ARFIP1: variants seen among roughly 807,000 people sequenced by gnomAD.
The protein encoded by ARFIP1 is ARF interacting protein 1.
A neutral mutation model predicts 42.5 loss-of-function variants in ARFIP1; 24 were observed. The ratio of observed to expected loss-of-function variants is 0.57; its 90% CI spans 0.41 to 0.80. The LOEUF (loss-of-function observed/expected upper bound fraction) is 0.80. ARFIP1 is among the 30% of genes least tolerant of loss of function. The pLI is 0.00. For missense variants in ARFIP1, 354 were observed against 434.0 expected (o/e 0.82, Z 1.64); for synonymous variants, 141 against 153.7 (o/e 0.92, Z 0.61).
At chr4:152,844,477 G>A (rs1172692151) in intron 2 of ARFIP1, among the ~76,000 whole-genome samples, 2 of 151,874 alleles carry the variant, frequency 1.3e-5, no homozygotes, top group African/African-American at 2.4e-5. Context: ...TTGATTGATT[G>A]ATTTAAATTA....
intron 1 of ARFIP1, among the ~76,000 whole-genome samples, chr4:152,787,742 A>G (rs1578796716): frequency 6.6e-6 from 1 of 152,368 alleles, no homozygotes; most frequent in East Asian, 1.9e-4. Flanking sequence ...TAAGGTGTAT[A>G]TGAAATGTAA....
intron 2 of ARFIP1, among the ~76,000 whole-genome samples, chr4:152,834,727 T>G (rs1028410641): frequency 1.3e-5 from 2 of 152,138 alleles, no homozygotes; most frequent in Non-Finnish European, 2.9e-5. Context: ...CACACTGAGA[T>G]TGCAAGCTGT....
Position 152,888,234 on chromosome 4 carries a change from A to G in ARFIP1, c.893A>G (p.Gln298Arg). The change falls in exon 8 of 9, where the codon CAA becomes CGA. Residue 298 changes from glutamine to arginine, a missense_variant. Gln to Arg is a conservative substitution (Grantham distance 43). Coordinates refer to ENST00000353617, the MANE Select transcript of ARFIP1 (RefSeq NM_001025595.3). ...PKIEQSQHLF[Q>R]AHKEKYDKMR... ...ATTGAGCAGTCACAGCATCTCTTCC[A>G]AGCACATAAGGAAAAATATGATAAA... 1 of 1,611,304 alleles carries G rather than the reference A, an allele frequency of 6.2e-7. No homozygotes were observed. Among genetic ancestry groups the G allele is most frequent in the Middle Eastern group, 1.7e-4 (1 of 6,056 alleles).
At chr4:152,871,303 G>A (rs1004103986) in intron 4 of ARFIP1, among the ~76,000 whole-genome samples, 1 of 152,264 alleles carries the variant, frequency 6.6e-6, no homozygotes, top group East Asian at 1.9e-4. Flanking sequence ...ATAGTTTGCA[G>A]ATTGCAACAC....
intron 8 of ARFIP1, among the ~76,000 whole-genome samples, chr4:152,907,537 G>A (rs1231514871): frequency 6.6e-6 from 1 of 152,006 alleles, no homozygotes; most frequent in Admixed American, 6.5e-5. Flanking sequence ...TTCTGAATTT[G>A]TTTATTGTTC....
At chr4:152,834,953 T>G (rs1188022372) in intron 2 of ARFIP1, among the ~76,000 whole-genome samples, 1 of 152,206 alleles carries the variant, frequency 6.6e-6, no homozygotes, top group Non-Finnish European at 1.5e-5. Flanking sequence ...AGCTGGGATG[T>G]GGGGAGCAGT....
intron 2 of ARFIP1, among the ~76,000 whole-genome samples, chr4:152,838,414 G>T (rs1731823133): frequency 6.6e-6 from 1 of 152,170 alleles, no homozygotes; most frequent in Non-Finnish European, 1.5e-5. Flanking sequence ...AGTATGGGAT[G>T]TGTTTCCATT....
chr4:152,875,379 A>T lies in ARFIP1; in HGVS notation c.411+2815A>T, dbSNP rs10033256. On this transcript the variant is annotated intron_variant, in intron 5 of 8. Coordinates refer to ENST00000353617, the MANE Select transcript of ARFIP1 (RefSeq NM_001025595.3). ...CTTTTTGAAGTTTGTCTTTTTTTAT[A>T]AAAAAAAAAAAAAAAAAAAAAAGAA... is the stretch of plus-strand genomic sequence containing the variant. Among the ~76,000 whole-genome samples the T allele has an allele frequency of 4.9e-3, 307 of 62,154 alleles. 1 individual carries two copies. The highest frequency in any genetic ancestry group is 8.6e-3 in the Middle Eastern group (1 of 116). 40.8% of individuals were successfully genotyped at this position (62,154 alleles called of 152,430 possible). A position where few individuals can be genotyped will look rare whatever the true frequency, so the allele number is the denominator to read the frequency against.
chr4:152,882,892 A>C lies in ARFIP1; in HGVS notation c.791+12A>C. On this transcript the variant is annotated intron_variant, in intron 7 of 8. Coordinates refer to ENST00000353617, the MANE Select transcript of ARFIP1 (RefSeq NM_001025595.3). ...TATGAAAGTGCCAGGTAAGGTATAC[A>C]TTTTCACTGTGTTGTCTGTTTTACA... The C allele has an allele frequency of 6.3e-7, 1 of 1,596,584 alleles. No homozygotes were observed. The highest frequency in any genetic ancestry group is 8.5e-7 in the Non-Finnish European group (1 of 1,173,138).
chr4:152,808,283 A>ATTCTTTTTTTTTTTTTTT (rs1729151426), intron 1 of ARFIP1, among the ~76,000 whole-genome samples: 1 of 20,314 alleles, frequency 4.9e-5, no homozygotes, highest in Non-Finnish European at 1.0e-4. Context: ...CCTGGCCTCC[A>ATTCTTTTTTTTTTTTTTT]TTTTTTTTTT....
chr4:152,796,649 T>A, intron 1 of ARFIP1: 1 of 881,730 alleles, frequency 1.1e-6, no homozygotes, highest in Non-Finnish European at 1.9e-6. Context: ...ATCTTGATGG[T>A]CTTTTTTATT....
intron 1 of ARFIP1, among the ~76,000 whole-genome samples, chr4:152,794,466 G>C (rs1731315245): frequency 6.6e-6 from 1 of 152,136 alleles, no homozygotes; most frequent in South Asian, 2.1e-4. Context: ...TTAGTGCATT[G>C]TATTGAGGGG....
intron 7 of ARFIP1, 151 bp from the exon 8 acceptor site, chr4:152,887,982 T>C: frequency 2.1e-6 from 1 of 477,492 alleles, no homozygotes; most frequent in Non-Finnish European, 3.5e-6. Context: ...TTTAAAGAAA[T>C]AATGATTTCA....
At chr4:152,813,340 C>A (rs926753943) in intron 1 of ARFIP1, among the ~76,000 whole-genome samples, 6 of 152,116 alleles carry the variant, frequency 3.9e-5, no homozygotes, top group East Asian at 1.9e-4. Context: ...CAGTCCCCCA[C>A]AGATACCAAG....
rs571578037 is a variant in ARFIP1 at position 152,868,197 on chromosome 4, A to G, written c.203-2556A>G. On this transcript the variant is annotated intron_variant, in intron 3 of 8. Transcript: ENST00000353617. ...AAATATTGAAATCGGCCTAGCACCA[A>G]AGATGTTGCAGAATCAGTAATAGTG... Among the ~76,000 whole-genome samples, 38 of 152,350 alleles carry G rather than the reference A, an allele frequency of 2.5e-4. No individual in the cohort carries two copies. The South Asian group carries it at 5.6e-3, about 22-fold the overall frequency.
intron 1 of ARFIP1, among the ~76,000 whole-genome samples, chr4:152,808,306 T>TTTTTTTTTTTTTTTTTC (rs1729166571): frequency 7.6e-6 from 1 of 131,226 alleles, no homozygotes; most frequent in African/African-American, 2.8e-5. Context: ...TTTTTTTTTT[T>TTTTTTTTTTTTTTTTTC]TTTTTTTTTT....
intron 8 of ARFIP1, among the ~76,000 whole-genome samples, chr4:152,890,931 A>G (rs1377581062): frequency 6.6e-6 from 1 of 152,218 alleles, no homozygotes; most frequent in Non-Finnish European, 1.5e-5. Context: ...GTAACAAAAT[A>G]CCATAAACTG....
chr4:152,835,050 G>A (rs187171936), intron 2 of ARFIP1, among the ~76,000 whole-genome samples: 77 of 152,152 alleles, frequency 5.1e-4, no homozygotes, highest in Non-Finnish European at 1.0e-3. Context: ...TGTGATAGGA[G>A]GGGCTGTCCC....
chr4:152,780,499 G>C lies in ARFIP1; in HGVS notation c.-10+273G>C, dbSNP rs141625420. On this transcript the variant is annotated intron_variant, in intron 1 of 8. Coordinates refer to ENST00000353617, the MANE Select transcript of ARFIP1 (RefSeq NM_001025595.3). ...ACTCTCTTGGCTTTGCATACATTGGGTGGGAAAAGGAGTTGCAGGATCCAG... is the reference window on the plus strand; with the variant it reads ...ACTCTCTTGGCTTTGCATACATTGGCTGGGAAAAGGAGTTGCAGGATCCAG... Among the ~76,000 whole-genome samples the C allele has an allele frequency of 2.6e-5, 4 of 152,340 alleles. No individual in the cohort carries two copies. In the East Asian group the frequency reaches 7.7e-4, roughly 29 times the overall value.
Sources: allele counts gnomAD v4.1 joint callset (sites outside exome capture counted in the v4.1 genomes callset), GRCh38; gene constraint gnomAD v4.1.1; transcripts MANE v1.5; gene names NCBI Gene and HGNC (gene_info 2026-07-23, HGNC 2026-07-21).